The following DNAH9 variants were observed in gnomAD, a reference collection of about 807,000 sequenced individuals.
The protein encoded by DNAH9 is dynein axonemal heavy chain 9.
DNAH9 carries 345 observed loss-of-function variants against 471.6 expected under a neutral mutation model. The observed-to-expected ratio is 0.73, with a 90% CI of 0.67 to 0.80. The LOEUF is 0.80. Ranked by LOEUF, DNAH9 falls within the 30% of genes least tolerant of loss-of-function variation. The pLI is 0.00. For synonymous variants in DNAH9, 2,093 were observed against 2,123.6 expected, an observed-to-expected ratio of 0.99 and a Z score of 0.40; for missense variants, 5,407 against 5,609.2, an observed-to-expected ratio of 0.96 and a Z score of 1.15.
intron 8 of DNAH9, among the ~76,000 whole-genome samples, chr17:11,635,579 C>G (rs1295669860): frequency 6.6e-6 from 1 of 152,170 alleles, no homozygotes; most frequent in Non-Finnish European, 1.5e-5. Flanking sequence ...TCGTCACCCT[C>G]TGACTTCAAG....
In DNAH9 at chr17:11,669,096, G is replaced by A. The variant is rs775713517; in HGVS notation, c.2764G>A (p.Ala922Thr). The stretch of plus-strand genomic sequence containing the variant: ...GGCAGGACTTACCCCAATATTTGAA[G>A]CACAACTGAGTCTAGCCATCCCAGA... ...CKAGLTPIFEAQLSLAIPELV... is the reference protein window; with the variant it reads ...CKAGLTPIFETQLSLAIPELV... Residue 922 changes from alanine (A) to threonine (T), a missense_variant, in exon 16 of 69, where the codon GCA becomes ACA. Physicochemically the swap from Ala to Thr is moderately conservative, Grantham distance 58. Transcript: ENST00000262442. The A allele has an allele frequency of 3.1e-6, 5 of 1,613,520 alleles. No individual in the cohort carries two copies. The highest frequency in any genetic ancestry group is 4.2e-6 in the Non-Finnish European group (5 of 1,179,714).
intron 45 of DNAH9, among the ~76,000 whole-genome samples, chr17:11,820,062 G>A (rs1970254972): frequency 6.6e-6 from 1 of 152,186 alleles, no homozygotes; most frequent in African/African-American, 2.4e-5. Flanking sequence ...TACTAGGTAT[G>A]TTTGCTGTGG....
At chr17:11,881,805 G>A (rs559062438) in intron 55 of DNAH9, among the ~76,000 whole-genome samples, 16 of 152,250 alleles carry the variant, frequency 1.1e-4, no homozygotes, top group East Asian at 9.7e-4. Flanking sequence ...CTAGCTACTC[G>A]GGAAGCTGAG....
intron 49 of DNAH9, among the ~76,000 whole-genome samples, chr17:11,835,283 T>G (rs1020118119): frequency 6.6e-6 from 1 of 152,244 alleles, no homozygotes; most frequent in Non-Finnish European, 1.5e-5. Context: ...CCTGCTCCAG[T>G]AACCCAGGAC....
intron 25 of DNAH9, 139 bp from the exon 26 acceptor site, chr17:11,704,886 T>C: frequency 1.4e-6 from 1 of 721,914 alleles, no homozygotes; most frequent in Non-Finnish European, 2.4e-6. Context: ...GCTTGTGCTT[T>C]CTATGCTGTG....
At chr17:11,880,861 C>T (rs1251376249) in intron 54 of DNAH9, among the ~76,000 whole-genome samples, 2 of 152,088 alleles carry the variant, frequency 1.3e-5, no homozygotes, top group Non-Finnish European at 2.9e-5. Flanking sequence ...CTATTGCTGG[C>T]GTATAAAGCA....
At chr17:11,959,238 CATT>C (rs1197042035) in intron 67 of DNAH9, among the ~76,000 whole-genome samples, 1 of 152,184 alleles carries the variant, frequency 6.6e-6, no homozygotes, top group African/African-American at 2.4e-5. Context: ...TTTTGTTCAT[CATT>C]GCCATGAATG....
chr17:11,775,031 C>A lies in DNAH9; in HGVS notation c.7552+5702C>A, dbSNP rs191127115. ...TGTAATCCCTTCCTCCCAACGCCCC[C>A]CACCTGCCCTGTTTCAGACAACAAC... On this transcript the variant is annotated intron_variant, in intron 38 of 68. Coordinates refer to ENST00000262442, the MANE Select transcript of DNAH9 (RefSeq NM_001372.4). 8.2e-4 allele frequency among the ~76,000 whole-genome samples: 125 copies of A among 152,268 alleles called. 1 individual carries two copies. Among genetic ancestry groups the A allele is most frequent in the Non-Finnish European group, 1.6e-3 (108 of 68,020 alleles).
chr17:11,845,043 T>C (rs981003131), intron 49 of DNAH9, among the ~76,000 whole-genome samples: 20 of 151,818 alleles, frequency 1.3e-4, no homozygotes, highest in African/African-American at 4.6e-4. Flanking sequence ...TTAGGGTACA[T>C]GTGCACAATG....
At chr17:11,778,329 C>CAAAAAAA (rs57983162) in intron 38 of DNAH9, among the ~76,000 whole-genome samples, 414 of 48,580 alleles carry the variant, frequency 8.5e-3, no homozygotes, top group East Asian at 0.02. Flanking sequence ...GACTCCATCT[C>CAAAAAAA]AAAAAAAAAA....
intron 50 of DNAH9, among the ~76,000 whole-genome samples, chr17:11,866,453 G>A (rs930230165): frequency 1.4e-4 from 22 of 152,134 alleles, no homozygotes; most frequent in African/African-American, 5.1e-4. Flanking sequence ...CAGTTAGGCT[G>A]CTCAGGGGTC....
Position 11,647,168 on chromosome 17 carries a change from G to A in DNAH9, c.2067G>A (p.Thr689=), listed in dbSNP as rs749709369. ...SQPLLKRDPE[T]KEITINFNPQ... is the part of the protein sequence containing the mutation. ...CACTTCTAAAACGTGACCCAGAGACGAAGGAGATCACTATCAACTTTAACC... is the reference window on the plus strand; with the variant it reads ...CACTTCTAAAACGTGACCCAGAGACAAAGGAGATCACTATCAACTTTAACC... The change falls in exon 12 of 69, where the codon ACG becomes ACA. Residue 689 remains threonine, a synonymous_variant. Coordinates refer to ENST00000262442, the MANE Select transcript of DNAH9 (RefSeq NM_001372.4). 6.8e-6 allele frequency: 11 copies of A among 1,613,886 alleles called. No individual in the cohort carries two copies. Among genetic ancestry groups the A allele is most frequent in the Middle Eastern group, 1.6e-4 (1 of 6,084 alleles).
chr17:11,965,055 T>C (rs1409299364), intron 68 of DNAH9, among the ~76,000 whole-genome samples: 2 of 152,146 alleles, frequency 1.3e-5, no homozygotes, highest in Non-Finnish European at 2.9e-5. Flanking sequence ...AGTAGGCTAA[T>C]CAAAAAGCTT....
intron 41 of DNAH9, among the ~76,000 whole-genome samples, chr17:11,785,231 C>T (rs866202703): frequency 3.2e-4 from 48 of 152,160 alleles, no homozygotes; most frequent in African/African-American, 9.2e-4. Context: ...GCCAAGTCTA[C>T]AACTCTCCCA....
In DNAH9 at chr17:11,933,116, CACCAATGA is replaced by C. The variant is rs149898479; in HGVS notation, c.12298-761_12298-754del. On this transcript the variant is annotated intron_variant, in intron 64 of 68. Coordinates refer to ENST00000262442, the MANE Select transcript of DNAH9 (RefSeq NM_001372.4). ...CAGTGACCTCCCTCCCTAAGTCTCA[CACCAATGA>C]ACTTGTGGGCTTTGTTTATTCCCTT... Among the ~76,000 whole-genome samples, 1,254 of 152,290 alleles carry C rather than the reference CACCAATGA, an allele frequency of 8.2e-3. 15 individuals carry two copies. Among genetic ancestry groups the C allele is most frequent in the Admixed American group, 0.014 (221 of 15,290 alleles).
intron 10 of DNAH9, among the ~76,000 whole-genome samples, chr17:11,643,239 C>T (rs568054637): frequency 2.5e-4 from 38 of 152,336 alleles, no homozygotes; most frequent in African/African-American, 7.5e-4. Context: ...GCAGAAGCCT[C>T]CATTTGTGTG....
At position 11,937,263 on chromosome 17, in the gene DNAH9, C is replaced by G; in HGVS notation, c.12490-89C>G. ...TGTCCCCTGGAGGAGGGATACTAGC[C>G]CATGGACTCCCTGCAGAGGACAAGC... On this transcript the variant is annotated intron_variant, in intron 65 of 68. Transcript: ENST00000262442. The surrounding 1 kb of genome is among the most constrained non-coding windows in gnomAD (Gnocchi z 4.1). The G allele has an allele frequency of 6.8e-7, 1 of 1,479,978 alleles. No individual in the cohort carries two copies. The highest frequency in any genetic ancestry group is 1.4e-5 in the African/African-American group (1 of 71,532). 91.7% of individuals were successfully genotyped at this position (1,479,978 alleles called of 1,614,324 possible).
At chr17:11,772,781 C>T (rs900358479) in intron 38 of DNAH9, among the ~76,000 whole-genome samples, 3 of 152,176 alleles carry the variant, frequency 2.0e-5, no homozygotes, top group Non-Finnish European at 4.4e-5. Flanking sequence ...GCTACTGTTC[C>T]ATAACCTCTC....
At position 11,719,416 on chromosome 17, in the gene DNAH9, A is replaced by C; in HGVS notation, c.5635A>C (p.Thr1879Pro). 1 of 1,613,900 alleles carries C rather than the reference A, an allele frequency of 6.2e-7. No individual in the cohort carries two copies. The highest frequency in any genetic ancestry group is 8.5e-7 in the Non-Finnish European group (1 of 1,179,974). ...ACCTGCAGGCACAGGCAAGACCGAG[A>C]CCACCAAGGACCTGGGCCGCGCACT... is the stretch of plus-strand genomic sequence containing the variant. ...AGPAGTGKTETTKDLGRALGI... is the reference protein window; with the variant it reads ...AGPAGTGKTEPTKDLGRALGI... Residue 1879 changes from threonine (T) to proline (P), a missense_variant, in exon 27 of 69, where the codon ACC (threonine) becomes CCC (proline). By Grantham distance (38) the Thr-to-Pro change is conservative (BLOSUM62 -1). Transcript: ENST00000262442.
Sources: gnomAD v4.1 joint callset for allele counts (sites outside exome capture counted in the v4.1 genomes callset) on GRCh38, gnomAD v4.1.1 for gene constraint, Gnocchi (gnomAD v3.1) non-coding constraint, MANE v1.5 for transcripts, NCBI Gene and HGNC (gene_info 2026-07-23, HGNC 2026-07-21) for gene names.